ZGRF1: variants seen among roughly 807,000 people sequenced by gnomAD.
The protein encoded by ZGRF1 is zinc finger GRF-type containing 1.
Under a neutral mutation model 203.5 loss-of-function variants are expected in ZGRF1, and 196 were observed. The ratio of observed to expected loss-of-function variants is 0.96; its 90% CI spans 0.86 to 1.08. The LOEUF is 1.08. Among genes scored for constraint, ZGRF1 ranks in the 50% least tolerant of loss-of-function variants. ZGRF1 has a pLI of 0.00. For missense variants in ZGRF1, 2,326 were observed against 2,416.3 expected, an observed-to-expected ratio of 0.96 and a Z score of 0.78; for synonymous variants, 809 against 841.3, an observed-to-expected ratio of 0.96 and a Z score of 0.66.
At chr4:112,543,031 A>G (rs1488231416) in intron 24 of ZGRF1, among the ~76,000 whole-genome samples, 1 of 152,144 alleles carries the variant, frequency 6.6e-6, no homozygotes, top group Non-Finnish European at 1.5e-5. Flanking sequence ...CACACTTTCT[A>G]TAATGAGTAG....
rs541973003 is a variant in ZGRF1 at position 112,539,873 on chromosome 4, T to C, written c.6162A>G (p.Gln2054=). The change falls in exon 27 of 28, where the codon CAA becomes CAG. Residue 2054 remains glutamine (Q), a synonymous_variant. Coordinates refer to ENST00000505019, the MANE Select transcript of ZGRF1 (RefSeq NM_018392.5). ...RKNQLWGRVI[Q]HCEGREDGLQ... ...CCATTTTTATTTTACCTTCGCAGTGTTGGATCACTCGTCCCCAAAGTTGAT... is the reference window on the plus strand; with the variant it reads ...CCATTTTTATTTTACCTTCGCAGTGCTGGATCACTCGTCCCCAAAGTTGAT... 1.4e-5 allele frequency: 22 copies of C among 1,613,806 alleles called. No homozygotes were observed. The South Asian group carries it at 2.1e-4, about 15-fold the overall frequency.
chr4:112,585,033 G>T (rs1246382184), intron 14 of ZGRF1, among the ~76,000 whole-genome samples: 1 of 152,140 alleles, frequency 6.6e-6, no homozygotes, highest in Non-Finnish European at 1.5e-5. Context: ...TAAGCTCTCA[G>T]GTTGGAACAT....
chr4:112,629,260 T>C (rs569090680), intron 3 of ZGRF1, among the ~76,000 whole-genome samples: 2 of 152,346 alleles, frequency 1.3e-5, no homozygotes, highest in African/African-American at 4.8e-5. Flanking sequence ...TCCTGAAACA[T>C]TTAGAACTGG....
intron 6 of ZGRF1, among the ~76,000 whole-genome samples, chr4:112,615,854 C>T (rs921003135): frequency 1.7e-4 from 25 of 148,732 alleles, no homozygotes; most frequent in African/African-American, 5.9e-4. Flanking sequence ...AGACTGGTCT[C>T]GAACTCCCGA....
chr4:112,596,231 A>G (rs1007364354), intron 10 of ZGRF1, among the ~76,000 whole-genome samples: 1 of 152,182 alleles, frequency 6.6e-6, no homozygotes, highest in Non-Finnish European at 1.5e-5. Flanking sequence ...TTACAATACA[A>G]TATTAAGAAG....
intron 3 of ZGRF1, 147 bp from the exon 4 acceptor site, chr4:112,624,023 ATT>A (rs2047147874): frequency 1.7e-6 from 1 of 593,952 alleles, no homozygotes; most frequent in African/African-American, 1.9e-5. Flanking sequence ...AAATTCATCT[ATT>A]TTGAATGTTT....
chr4:112,572,821 T>A (rs1251764565), intron 16 of ZGRF1, among the ~76,000 whole-genome samples: 1 of 152,092 alleles, frequency 6.6e-6, no homozygotes, highest in Non-Finnish European at 1.5e-5. Flanking sequence ...TCCCTAATGA[T>A]CAGGGAAATG....
In ZGRF1 at chr4:112,587,694, G is replaced by C. The variant is rs1401667306; in HGVS notation, c.3363C>G (p.Thr1121=). 6.2e-7 allele frequency: 1 copy of C among 1,608,102 alleles called. No homozygotes were observed. Among genetic ancestry groups the C allele is most frequent in the Non-Finnish European group, 8.5e-7 (1 of 1,176,706 alleles). The change falls in exon 12 of 28, where the codon ACC becomes ACG. Residue 1121 remains threonine, a synonymous_variant. Coordinates refer to ENST00000505019, the MANE Select transcript of ZGRF1 (RefSeq NM_018392.5). The part of the protein sequence containing the change: ...FSIEPEDQNE[T]FFSEESREVN... ...CTTCCCTAGATTCTTCAGAGAAAAA[G>C]GTTTCATTTTGGTCCTCAGGCTCAA...
intron 16 of ZGRF1, among the ~76,000 whole-genome samples, chr4:112,564,442 A>G (rs77906167): frequency 1.3e-5 from 2 of 152,222 alleles, no homozygotes; most frequent in African/African-American, 2.4e-5. Flanking sequence ...AAATCTATCA[A>G]ATTGGATTCA....
At chr4:112,543,061 T>C (rs1219246864) in intron 24 of ZGRF1, among the ~76,000 whole-genome samples, 6 of 152,212 alleles carry the variant, frequency 3.9e-5, no homozygotes, top group African/African-American at 7.2e-5. Flanking sequence ...TTATTTCTTT[T>C]ACTTTTAATA....
At chr4:112,549,719 G>A (rs1302016800) in intron 22 of ZGRF1, among the ~76,000 whole-genome samples, 3 of 151,750 alleles carry the variant, frequency 2.0e-5, no homozygotes, top group Admixed American at 6.6e-5. Flanking sequence ...CCATTTTAGC[G>A]GTTTATACAT....
chr4:112,540,069 T>C lies in ZGRF1; in HGVS notation c.5966A>G (p.Gln1989Arg). 1.2e-6 allele frequency: 2 copies of C among 1,602,086 alleles called. No homozygotes were observed. The highest frequency in any genetic ancestry group is 1.7e-6 in the Non-Finnish European group (2 of 1,173,260). Residue 1989 changes from glutamine (Q) to arginine (R), a missense_variant, in exon 27 of 28, where the codon CAG becomes CGG. Physicochemically the swap from Gln to Arg is conservative, Grantham distance 43. Transcript: ENST00000505019. ...DFHHPDIKTVQVSTVDAFQGA... is the reference protein window; with the variant it reads ...DFHHPDIKTVRVSTVDAFQGA... ...CTGAAAAGCATCTACTGTGGACACC[T>C]GCACAGTTTTAATATCAGGATGGTG...
At chr4:112,572,405 C>T (rs1371242556) in intron 16 of ZGRF1, among the ~76,000 whole-genome samples, 1 of 152,142 alleles carries the variant, frequency 6.6e-6, no homozygotes, top group Non-Finnish European at 1.5e-5. Context: ...TTCAACTAAA[C>T]ATGGATCGAG....
At chr4:112,560,655 A>G in intron 19 of ZGRF1, 78 bp downstream of exon 19, 3 of 1,239,022 alleles carry the variant, frequency 2.4e-6, no homozygotes, top group Non-Finnish European at 3.4e-6. Context: ...TTGACTAGGA[A>G]ATTATAAAGG....
At chr4:112,549,222 C>T (rs1303858267) in intron 22 of ZGRF1, among the ~76,000 whole-genome samples, 3 of 152,060 alleles carry the variant, frequency 2.0e-5, no homozygotes, top group African/African-American at 7.2e-5. Context: ...ATTATAGCAG[C>T]ATGCCATTAC....
chr4:112,625,074 G>A (rs1374344225), intron 3 of ZGRF1, among the ~76,000 whole-genome samples: 2 of 152,150 alleles, frequency 1.3e-5, no homozygotes, highest in African/African-American at 4.8e-5. Flanking sequence ...GATTATCTGA[G>A]ACCAGAGGTT....
At chr4:112,592,933 C>A (rs1748424501) in intron 10 of ZGRF1, among the ~76,000 whole-genome samples, 1 of 152,080 alleles carries the variant, frequency 6.6e-6, no homozygotes, top group Non-Finnish European at 1.5e-5. Context: ...AGTTACCTTA[C>A]AAAGAGAGAC....
rs1365652757 is a variant in ZGRF1 at position 112,541,104 on chromosome 4, T to C, written c.5763A>G (p.Lys1921=). The C allele has an allele frequency of 6.3e-7, 1 of 1,592,084 alleles. No homozygotes were observed. The highest frequency in any genetic ancestry group is 8.6e-7 in the Non-Finnish European group (1 of 1,168,008). The change falls in exon 25 of 28, where the codon AAA becomes AAG. Residue 1921 remains lysine, a synonymous_variant. Coordinates refer to ENST00000505019, the MANE Select transcript of ZGRF1 (RefSeq NM_018392.5). The part of the protein sequence containing the change: ...WLPTLCFYNV[K]GLEQIERDNS... The stretch of plus-strand genomic sequence containing the variant: ...TAATGTCATTTACCTGTTCTAGTCC[T>C]TTAACATTATAAAAACACAGGGTTG...
intron 9 of ZGRF1, 74 bp downstream of exon 9, chr4:112,605,931 GTTT>G: frequency 1.1e-6 from 1 of 942,858 alleles, no homozygotes; most frequent in Non-Finnish European, 1.7e-6. Context: ...TCTGATACTT[GTTT>G]TTTTGTTTTT....
Sources: allele counts gnomAD v4.1 joint callset (sites outside exome capture counted in the v4.1 genomes callset), GRCh38; gene constraint gnomAD v4.1.1; transcripts MANE v1.5; gene names NCBI Gene and HGNC (gene_info 2026-07-23, HGNC 2026-07-21).